Variants in PTPRD observed in about 807,000 individuals in gnomAD.
PTPRD encodes the protein receptor-type tyrosine-protein phosphatase delta.
PTPRD carries 34 observed loss-of-function variants against 214.5 expected under a neutral mutation model. The ratio of observed to expected loss-of-function variants is 0.16; its 90% confidence interval spans 0.12 to 0.21. PTPRD has a LOEUF of 0.21. PTPRD is among the 10% of genes least tolerant of loss of function. PTPRD has a pLI of 1.00. For missense variants in PTPRD, 2,545 were observed against 2,398.7 expected (o/e 1.06, Z -1.27); for synonymous variants, 1,128 against 845.7 (o/e 1.33, Z -5.79).
chr9:8,376,155 A>G, intron 38 of PTPRD, 65 bp from the exon 39 acceptor site: 1 of 1,573,274 alleles, frequency 6.4e-7, no homozygotes, highest in Admixed American at 1.7e-5. Flanking sequence ...GATGAATAAC[A>G]GGGAAGAGGT....
chr9:9,790,631 A>G (rs1053328756), intron 5 of PTPRD, among the ~76,000 whole-genome samples: 8 of 152,244 alleles, frequency 5.3e-5, no homozygotes, highest in African/African-American at 1.9e-4. Flanking sequence ...TATTAAATCC[A>G]TAACAAAGAA....
intron 4 of PTPRD, among the ~76,000 whole-genome samples, chr9:10,033,405 G>C (rs952107481): frequency 6.6e-6 from 1 of 151,594 alleles, no homozygotes; most frequent in African/African-American, 2.4e-5. Context: ...GAGCCAAGGT[G>C]TCAATATATA....
chr9:9,527,033 T>C (rs931711125), intron 8 of PTPRD, among the ~76,000 whole-genome samples: 1 of 152,218 alleles, frequency 6.6e-6, no homozygotes, highest in Admixed American at 6.5e-5. Context: ...TAAAATATAA[T>C]ATTTAATGAG....
At chr9:9,322,981 A>G (rs1169681267) in intron 9 of PTPRD, among the ~76,000 whole-genome samples, 4 of 152,160 alleles carry the variant, frequency 2.6e-5, no homozygotes, top group African/African-American at 9.6e-5. Flanking sequence ...TAATATATAA[A>G]CCTTCCAAGA....
At chr9:8,584,737 C>A (rs2093490960) in intron 14 of PTPRD, among the ~76,000 whole-genome samples, 1 of 152,134 alleles carries the variant, frequency 6.6e-6, no homozygotes, top group African/African-American at 2.4e-5. Flanking sequence ...AGTCCATTCT[C>A]ATGCTGCAAA....
chr9:9,832,353 A>G (rs761929208), intron 5 of PTPRD, among the ~76,000 whole-genome samples: 10 of 152,000 alleles, frequency 6.6e-5, no homozygotes, highest in Non-Finnish European at 1.2e-4. Flanking sequence ...ATCTGAAGAT[A>G]TGTAACTGTG....
At chr9:9,084,026 C>G (rs1459549489) in intron 10 of PTPRD, among the ~76,000 whole-genome samples, 2 of 152,080 alleles carry the variant, frequency 1.3e-5, no homozygotes, top group Admixed American at 6.6e-5. Context: ...CCAGAAATAC[C>G]GTTTGACCCA....
intron 4 of PTPRD, among the ~76,000 whole-genome samples, chr9:10,024,894 C>G (rs1251400442): frequency 6.7e-6 from 1 of 149,942 alleles, no homozygotes; most frequent in African/African-American, 2.5e-5. Flanking sequence ...GGTTTTCTGT[C>G]CGTGCGATAG....
intron 10 of PTPRD, among the ~76,000 whole-genome samples, chr9:9,136,855 T>C (rs1481924847): frequency 2.6e-5 from 4 of 152,190 alleles, no homozygotes; most frequent in Admixed American, 1.3e-4. Context: ...CCTATCAGTA[T>C]TGGAGTTGTG....
intron 3 of PTPRD, among the ~76,000 whole-genome samples, chr9:10,081,577 G>A (rs192327347): frequency 3.9e-5 from 6 of 152,124 alleles, no homozygotes; most frequent in East Asian, 3.9e-4. Flanking sequence ...GGCCCTCACC[G>A]CAACCTGACC....
rs139529522 is a variant in PTPRD at position 10,305,148 on chromosome 9, A to C, written c.-545+35815T>G. Among the ~76,000 whole-genome samples, 197 of 152,258 alleles carry C rather than the reference A, an allele frequency of 1.3e-3. 1 individual carries two copies. The highest frequency in any genetic ancestry group is 4.5e-3 in the African/African-American group (189 of 41,556). ...TTGACAAACCTGACAAAAACAAGCA[A>C]TGGGGAAAGGATTCCCTATTTAATA... On this transcript the variant is annotated intron_variant, in intron 3 of 45. Transcript: ENST00000381196.
rs1434845792 is a variant in PTPRD at position 9,686,410 on chromosome 9, T to C, written c.-287+48123A>G. Among the ~76,000 whole-genome samples the C allele has an allele frequency of 5.3e-5, 8 of 151,374 alleles. No individual in the cohort carries two copies. The East Asian group carries it at 5.8e-4, about 11-fold the overall frequency. On this transcript the variant is annotated intron_variant, in intron 7 of 45. Transcript: ENST00000381196. Reference sequence around the variant, plus strand: ...GATCTGATATATATTTTCCAAGTCATTCTTATTCTATAGACAGACCTACAG... The same window carrying C: ...GATCTGATATATATTTTCCAAGTCACTCTTATTCTATAGACAGACCTACAG...
intron 3 of PTPRD, among the ~76,000 whole-genome samples, chr9:10,281,294 C>A (rs146427963): frequency 6.6e-6 from 1 of 151,788 alleles, no homozygotes; most frequent in African/African-American, 2.4e-5. Context: ...AATGTAGATA[C>A]CAAAAATTAT....
chr9:9,844,619 T>C (rs760180375), intron 5 of PTPRD, among the ~76,000 whole-genome samples: 5 of 152,050 alleles, frequency 3.3e-5, no homozygotes, highest in Admixed American at 2.0e-4. Context: ...AAGGACAAAA[T>C]AGTCCCTCAT....
Position 10,351,130 on chromosome 9 carries a change from A to C in PTPRD, c.-599-10113T>G, listed in dbSNP as rs146925407. ...TTTATAAAGTGTTAAAGAATTGTAA[A>C]ATTTGAGGCATTAAGCATTAAAAGA... On this transcript the variant is annotated intron_variant, in intron 2 of 45. Transcript: ENST00000381196. 1.4e-4 allele frequency among the ~76,000 whole-genome samples: 22 copies of C among 152,260 alleles called. No individual in the cohort carries two copies. In the East Asian group the frequency reaches 4.2e-3, roughly 29 times the overall value.
At chr9:9,209,332 G>A (rs2099947055) in intron 9 of PTPRD, among the ~76,000 whole-genome samples, 1 of 152,120 alleles carries the variant, frequency 6.6e-6, no homozygotes, top group South Asian at 2.1e-4. Flanking sequence ...GAATAAGAAA[G>A]AAAAATTAGA....
intron 37 of PTPRD, among the ~76,000 whole-genome samples, chr9:8,388,900 T>C (rs2088299425): frequency 6.6e-6 from 1 of 152,178 alleles, no homozygotes. Context: ...AGCCCGTAGG[T>C]TCTTGTTCAA....
intron 3 of PTPRD, among the ~76,000 whole-genome samples, chr9:10,122,523 GA>G (rs879637793): frequency 9.8e-4 from 148 of 150,328 alleles, no homozygotes; most frequent in African/African-American, 3.4e-3. Context: ...TGAAGAATAA[GA>G]AAAAAAAACA....
intron 5 of PTPRD, among the ~76,000 whole-genome samples, chr9:9,922,336 A>G (rs1467964187): frequency 6.6e-6 from 1 of 152,100 alleles, no homozygotes; most frequent in African/African-American, 2.4e-5. Flanking sequence ...TAAACCTGTT[A>G]AATGTTAGAT....
Sources: allele counts gnomAD v4.1 joint callset (sites outside exome capture counted in the v4.1 genomes callset), GRCh38; gene constraint gnomAD v4.1.1; transcripts MANE v1.5; gene names NCBI Gene and HGNC (gene_info 2026-07-23, HGNC 2026-07-21).